Variants in P2RX6 observed in about 807,000 individuals in gnomAD.
The protein encoded by P2RX6 is purinergic receptor P2X 6.
A neutral mutation model predicts 54.2 loss-of-function variants in P2RX6; 62 were observed. The ratio of observed to expected loss-of-function variants is 1.14; its 90% confidence interval spans 0.93 to 1.41. The LOEUF is 1.41. P2RX6 is among the 40% of genes most tolerant of loss of function. The pLI, the probability that P2RX6 is intolerant of heterozygous loss-of-function variation, is 0.00. For synonymous variants in P2RX6, 211 were observed against 231.9 expected, an observed-to-expected ratio of 0.91 and a Z score of 0.82; for missense variants, 541 against 566.3, an observed-to-expected ratio of 0.96 and a Z score of 0.45.
At position 21,026,800 on chromosome 22, in the gene P2RX6, G is replaced by A. The variant is rs1928541423; in HGVS notation, c.*183G>A. The A allele has an allele frequency of 7.7e-7, 1 of 1,302,892 alleles. No individual in the cohort carries two copies. The highest frequency in any genetic ancestry group is 1.5e-5 in the African/African-American group (1 of 67,268). 80.7% of individuals were successfully genotyped at this position (1,302,892 alleles called of 1,614,324 possible). On this transcript the variant is annotated 3_prime_UTR_variant, in exon 12 of 12. Coordinates refer to ENST00000413302, the MANE Select transcript of P2RX6 (RefSeq NM_005446.5). This position sits in a 1 kb window ranked among gnomAD's most constrained non-coding sequence, Gnocchi z 4.0. ...CCTCAGGGAGCCATAGAAGTCGGCT[G>A]TGTTTTGAGACGGCGACAGAACCTG... is the stretch of plus-strand genomic sequence containing the variant.
At chr22:21,022,399 G>A (rs1403006781) in intron 3 of P2RX6, among the ~76,000 whole-genome samples, 1 of 152,136 alleles carries the variant, frequency 6.6e-6, no homozygotes, top group African/African-American at 2.4e-5. Flanking sequence ...TGAAAAAGGA[G>A]GAAAGGGGTC....
intron 3 of P2RX6, among the ~76,000 whole-genome samples, chr22:21,019,593 C>T (rs5761915): frequency 0.02 from 3,063 of 152,334 alleles, 209 homozygotes; most frequent in East Asian, 0.2. Context: ...GGATTACAGG[C>T]GTGAGCCTGC....
chr22:21,012,066 G>A (rs766470793), upstream of P2RX6, among the ~76,000 whole-genome samples: 19 of 152,138 alleles, frequency 1.2e-4, no homozygotes, highest in Admixed American at 3.3e-4. Context: ...TCTTGTGGGG[G>A]CCATTTCACA....
rs571213913 is a variant in P2RX6 at position 21,026,903 on chromosome 22, G to T, written c.*286G>T. The T allele has an allele frequency of 2.3e-4, 117 of 517,610 alleles. 1 individual carries two copies. In the South Asian group the frequency reaches 2.9e-3, roughly 13 times the overall value. The allele number at this position is 517,610 out of a possible 1,614,324, so 32.1% of individuals were successfully genotyped here. A position where few individuals can be genotyped will look rare whatever the true frequency, so the allele number is the denominator to read the frequency against. On this transcript the variant is annotated 3_prime_UTR_variant, in exon 12 of 12. Coordinates refer to ENST00000413302, the MANE Select transcript of P2RX6 (RefSeq NM_005446.5). This position sits in a 1 kb window ranked among gnomAD's most constrained non-coding sequence, Gnocchi z 4.0. ...TGCATGTGGCAGGGGCTCCTGCTGCGTCTGGGCCTGGAGGTCTCTCTCCCA... is the reference window on the plus strand; with the variant it reads ...TGCATGTGGCAGGGGCTCCTGCTGCTTCTGGGCCTGGAGGTCTCTCTCCCA...
rs373733250 is a variant in P2RX6, at chr22:21,022,659, T to C, written c.388-17T>C. The C allele has an allele frequency of 8.0e-6, 12 of 1,506,570 alleles. No individual in the cohort carries two copies. The highest frequency in any genetic ancestry group is 5.6e-5 in the African/African-American group (4 of 71,576). The allele number at this position is 1,506,570 out of a possible 1,614,324, so 93.3% of individuals were successfully genotyped here. ...CATCCCCTGTGCCATTGGTGACTGC[T>C]CTCTCTCCCACCTCAGCACCCGTCC... is the stretch of plus-strand genomic sequence containing the variant. On this transcript the variant is annotated splice_polypyrimidine_tract_variant and intron_variant, in intron 3 of 11. Coordinates refer to ENST00000413302, the MANE Select transcript of P2RX6 (RefSeq NM_005446.5).
intron 7 of P2RX6, 37 bp from the exon 8 acceptor site, chr22:21,023,472 C>G (rs749053064): frequency 6.2e-7 from 1 of 1,613,040 alleles, no homozygotes; most frequent in South Asian, 1.1e-5. Context: ...GGGTCCCGGG[C>G]CCACCCACCG....
At position 21,023,130 on chromosome 22, in the gene P2RX6, G is replaced by A. The variant is rs781497249; in HGVS notation, c.570G>A (p.Leu190=). The A allele has an allele frequency of 1.2e-6, 2 of 1,613,766 alleles. No individual in the cohort carries two copies. Among genetic ancestry groups the A allele is most frequent in the South Asian group, 1.1e-5 (1 of 91,074 alleles). ...ESGVVPSRPL[L]AQAQNFTLFI... Reference sequence around the variant, plus strand: ...CTTCCACCTGCAGGAGGCCCCTGCTGGCCCAGGCCCAGAACTTCACACTGT... The same window carrying A: ...CTTCCACCTGCAGGAGGCCCCTGCTAGCCCAGGCCCAGAACTTCACACTGT... The change falls in exon 6 of 12, where the codon CTG becomes CTA. Residue 190 remains leucine (L), a synonymous_variant. Transcript: ENST00000413302.
In P2RX6 at chr22:21,015,890, C is replaced by A. The variant is rs116521443; in HGVS notation, c.165-52C>A. On this transcript the variant is annotated intron_variant, in intron 1 of 11. Coordinates refer to ENST00000413302, the MANE Select transcript of P2RX6 (RefSeq NM_005446.5). ...TGAGCATGTAGGGCTCAGCTCCGCC[C>A]CTGTCACTACACGCTGGGGACACAC... 4,046 of 1,533,590 alleles carry A rather than the reference C, an allele frequency of 2.6e-3. 70 individuals are homozygous for A. The African/African-American group carries it at 0.049, about 19-fold the overall frequency. The allele number at this position is 1,533,590 out of a possible 1,614,324, so 95.0% of individuals were successfully genotyped here.
At chr22:21,023,466 C>T (rs537825037) in intron 7 of P2RX6, 43 bp from the exon 8 acceptor site, 1 of 1,613,580 alleles carries the variant, frequency 6.2e-7, no homozygotes. Flanking sequence ...GGGAGAGGGT[C>T]CCGGGCCCAC....
At position 21,022,750 on chromosome 22, in the gene P2RX6, C is replaced by A; in HGVS notation, c.462C>A (p.His154Gln). The change falls in exon 4 of 12, where the codon CAC (histidine) becomes CAA (glutamine). Residue 154 changes from histidine to glutamine, a missense_variant and splice_region_variant. By Grantham distance (24) the His-to-Gln change is conservative (BLOSUM62 0). Coordinates refer to ENST00000413302, the MANE Select transcript of P2RX6 (RefSeq NM_005446.5). ...CPEGEGGTHS[H>Q]GVKTGQCVVF... ...AAGGGGAGGGAGGCACACACAGCCA[C>A]GGTAACTGTGGGCTCTGTCTTCCAG... is the stretch of plus-strand genomic sequence containing the variant. 1.3e-6 allele frequency: 2 copies of A among 1,566,030 alleles called. No individual in the cohort carries two copies. Among genetic ancestry groups the A allele is most frequent in the East Asian group, 2.2e-5 (1 of 44,562 alleles).
At chr22:21,019,027 C>G (rs537496979) in intron 3 of P2RX6, among the ~76,000 whole-genome samples, 19 of 152,302 alleles carry the variant, frequency 1.2e-4, no homozygotes, top group African/African-American at 4.6e-4. Context: ...GACATTTCAC[C>G]TTTTCCCCTT....
At chr22:21,019,313 TTTTG>T (rs145920139) in intron 3 of P2RX6, among the ~76,000 whole-genome samples, 3,058 of 152,194 alleles carry the variant, frequency 0.02, 208 homozygotes, top group East Asian at 0.2. Flanking sequence ...TGCTTACTCT[TTTTG>T]TTTGTTTGTT....
intron 8 of P2RX6, among the ~76,000 whole-genome samples, chr22:21,024,878 G>GTTTTTTTT (rs562371289): frequency 1.8e-5 from 2 of 110,758 alleles, no homozygotes; most frequent in Admixed American, 1.1e-4. Context: ...TTTTTTTTGT[G>GTTTTTTTT]TTTTTTTTTT....
chr22:21,015,856 G>C, intron 1 of P2RX6, 86 bp from the exon 2 acceptor site: 1 of 1,389,698 alleles, frequency 7.2e-7, no homozygotes, highest in Admixed American at 2.2e-5. Flanking sequence ...TAGGGTGTGG[G>C]GGGAGAACTG....
chr22:21,016,313 C>A lies in P2RX6; in HGVS notation c.315+221C>A, dbSNP rs112351359. 1.7e-3 allele frequency among the ~76,000 whole-genome samples: 265 copies of A among 152,232 alleles called. 1 individual carries two copies. Among genetic ancestry groups the A allele is most frequent in the African/African-American group, 5.9e-3 (243 of 41,530 alleles). ...AAAGGGGCCACTCAAGAAGCCAGGC[C>A]AGGGTTGGACGTGCTGGCTCACGCC... On this transcript the variant is annotated intron_variant, in intron 2 of 11. Transcript: ENST00000413302.
chr22:21,024,372 T>A (rs2541945), intron 8 of P2RX6, among the ~76,000 whole-genome samples: 1 of 151,682 alleles, frequency 6.6e-6, no homozygotes, highest in East Asian at 1.9e-4. Flanking sequence ...CCGCTTCCCG[T>A]GTTCACGCCA....
At chr22:21,017,350 G>C (rs1926571271) in intron 2 of P2RX6, among the ~76,000 whole-genome samples, 1 of 152,292 alleles carries the variant, frequency 6.6e-6, no homozygotes, top group South Asian at 2.1e-4. Flanking sequence ...GTGCTCTCAC[G>C]AGCAGCACTG....
At position 21,015,321 on chromosome 22, in the gene P2RX6, C is replaced by T. The variant is rs767541943; in HGVS notation, c.147C>T (p.Ile49=). Residue 49 remains isoleucine, a synonymous_variant, in exon 1 of 12, where the codon ATC becomes ATT. Coordinates refer to ENST00000413302, the MANE Select transcript of P2RX6 (RefSeq NM_005446.5). ...GALQRLLQFG[I]VVYVVGWALL... ...TGCAGAGGCTGCTGCAGTTTGGGAT[C>T]GTGGTCTATGTGGTAGGGTAAGAGA... 17 of 1,560,030 alleles carry T rather than the reference C, an allele frequency of 1.1e-5. No individual in the cohort carries two copies. Among genetic ancestry groups the T allele is most frequent in the Admixed American group, 4.1e-5 (2 of 48,864 alleles).
chr22:21,013,991 C>G (rs559203099), upstream of P2RX6: 1 of 152,818 alleles, frequency 6.5e-6, no homozygotes, highest in South Asian at 2.1e-4. Flanking sequence ...GGTCTCCTGC[C>G]TCCTCGGCGG....
Sources: gnomAD v4.1 joint callset for allele counts (sites outside exome capture counted in the v4.1 genomes callset) on GRCh38, gnomAD v4.1.1 for gene constraint, Gnocchi (gnomAD v3.1) non-coding constraint, MANE v1.5 for transcripts, NCBI Gene and HGNC (gene_info 2026-07-23, HGNC 2026-07-21) for gene names.